The following VGLL4 variants were observed in gnomAD, a reference collection of about 807,000 sequenced individuals.
The protein encoded by VGLL4 is vestigial like family member 4.
Under a neutral mutation model 21.0 loss-of-function variants are expected in VGLL4, and 7 were observed. The ratio of observed to expected loss-of-function variants is 0.33; its 90% CI spans 0.19 to 0.63. The LOEUF (loss-of-function observed/expected upper bound fraction) is 0.63. VGLL4 is among the 20% of genes least tolerant of loss of function. The pLI is 0.78. For missense variants in VGLL4, 394 were observed against 425.7 expected (o/e 0.93, Z 0.66); for synonymous variants, 222 against 173.2 (o/e 1.28, Z -2.21).
At chr3:11,681,644 A>G (rs937842413) in intron 2 of VGLL4, among the ~76,000 whole-genome samples, 2 of 152,242 alleles carry the variant, frequency 1.3e-5, no homozygotes, top group African/African-American at 4.8e-5. Context: ...ATATAGTATT[A>G]ATATTTCATT....
Position 11,626,489 on chromosome 3 carries a change from C to T in VGLL4, c.82+16948G>A, listed in dbSNP as rs539785731. 1.4e-3 allele frequency: 626 copies of T among 450,918 alleles called. 5 individuals are homozygous for T. The highest frequency in any genetic ancestry group is 9.6e-3 in the South Asian group (611 of 63,840). 27.9% of individuals were successfully genotyped at this position (450,918 alleles called of 1,614,324 possible). A position where few individuals can be genotyped will look rare whatever the true frequency, so the allele number is the denominator to read the frequency against. On this transcript the variant is annotated intron_variant, in intron 1 of 4. Transcript: ENST00000430365. ...GGTTTTTTCTCATGACACAAAAGAT[C>T]TGGCAGAGCTGGAGATTTCATTACC...
intron 1 of VGLL4, among the ~76,000 whole-genome samples, chr3:11,634,410 CTG>C (rs75117526): frequency 2.2e-4 from 34 of 152,318 alleles, no homozygotes; most frequent in Admixed American, 4.6e-4. Context: ...CTGCTTTCCT[CTG>C]TGGCCACCGT....
In VGLL4 at chr3:11,582,189, C is replaced by G. The variant is rs982153658; in HGVS notation, c.273-17170G>C. The G allele has an allele frequency of 2.3e-5, 32 of 1,397,760 alleles. No homozygotes were observed. The Admixed American group carries it at 2.7e-4, about 12-fold the overall frequency. The allele number at this position is 1,397,760 out of a possible 1,614,324, so 86.6% of individuals were successfully genotyped here. A position where few individuals can be genotyped will look rare whatever the true frequency, so the allele number is the denominator to read the frequency against. ...CTACCTCTCCCAGCACTTGCTGTCTCGCAGTTTAAATTAATTACAGCTGAA... is the reference window on the plus strand; with the variant it reads ...CTACCTCTCCCAGCACTTGCTGTCTGGCAGTTTAAATTAATTACAGCTGAA... On this transcript the variant is annotated intron_variant, in intron 2 of 4. Transcript: ENST00000430365.
chr3:11,637,280 T>C (rs2075607011), intron 1 of VGLL4, among the ~76,000 whole-genome samples: 1 of 152,254 alleles, frequency 6.6e-6, no homozygotes, highest in Non-Finnish European at 1.5e-5. Flanking sequence ...TTTCTGTATG[T>C]ATATTTCATT....
At chr3:11,623,366 A>C (rs545783566) in intron 1 of VGLL4, among the ~76,000 whole-genome samples, 2 of 152,284 alleles carry the variant, frequency 1.3e-5, no homozygotes, top group Admixed American at 6.5e-5. Flanking sequence ...CCAATGGCAA[A>C]ATCCACACAT....
At chr3:11,679,388 G>C (rs1216513297) in intron 2 of VGLL4, among the ~76,000 whole-genome samples, 3 of 152,016 alleles carry the variant, frequency 2.0e-5, no homozygotes, top group Non-Finnish European at 4.4e-5. Context: ...AAATTTAGTA[G>C]AAAAATGTTT....
intron 2 of VGLL4, among the ~76,000 whole-genome samples, chr3:11,578,748 C>CT (rs71044228): frequency 0.19 from 19,977 of 103,366 alleles, 3,504 homozygotes; most frequent in South Asian, 0.32. Context: ...TGTATATTTT[C>CT]TTTTTTTTTT....
chr3:11,558,834 G>A lies in VGLL4; in HGVS notation c.620-7C>T, dbSNP rs748520490. On this transcript the variant is annotated splice_region_variant and splice_polypyrimidine_tract_variant and intron_variant, in intron 4 of 4. Transcript: ENST00000430365. ...GGGTCACAGGTGGTGGCAGCTGCAG[G>A]CAAGCAGGAAGGCAGGCAGTCAGAC... The A allele has an allele frequency of 6.2e-7, 1 of 1,609,214 alleles. No homozygotes were observed. Among genetic ancestry groups the A allele is most frequent in the Non-Finnish European group, 8.5e-7 (1 of 1,176,790 alleles).
chr3:11,608,381 G>T (rs2074991931), intron 1 of VGLL4, among the ~76,000 whole-genome samples: 1 of 152,062 alleles, frequency 6.6e-6, no homozygotes, highest in South Asian at 2.1e-4. Context: ...ATTAACTCCT[G>T]TGGTTTTTTG....
At chr3:11,583,687 G>A (rs1051560623) in intron 2 of VGLL4, among the ~76,000 whole-genome samples, 37 of 152,144 alleles carry the variant, frequency 2.4e-4, no homozygotes, top group African/African-American at 8.2e-4. Flanking sequence ...TCACGATGAC[G>A]ATGCTCCCAT....
At chr3:11,586,249 G>A (rs1005179430) in intron 2 of VGLL4, among the ~76,000 whole-genome samples, 2 of 152,168 alleles carry the variant, frequency 1.3e-5, no homozygotes, top group East Asian at 3.8e-4. Flanking sequence ...GTTAACAACC[G>A]ATGAATGCAG....
intron 2 of VGLL4, among the ~76,000 whole-genome samples, chr3:11,700,220 CA>C (rs776442068): frequency 1.3e-5 from 2 of 152,098 alleles, no homozygotes; most frequent in East Asian, 1.9e-4. Context: ...ACAGAATGAT[CA>C]AAAGAGGAGA....
intron 1 of VGLL4, among the ~76,000 whole-genome samples, chr3:11,640,729 C>T (rs1370841613): frequency 6.6e-6 from 1 of 152,098 alleles, no homozygotes; most frequent in Non-Finnish European, 1.5e-5. Flanking sequence ...CACATCTAAG[C>T]AATATGGAGT....
intron 2 of VGLL4, among the ~76,000 whole-genome samples, chr3:11,574,992 G>T (rs1026513415): frequency 6.6e-6 from 1 of 151,838 alleles, no homozygotes; most frequent in Non-Finnish European, 1.5e-5. Flanking sequence ...TGGGGAGGAT[G>T]AAAGAATAAA....
chr3:11,601,763 C>T (rs898514258), intron 2 of VGLL4, 70 bp downstream of exon 2: 4 of 1,536,876 alleles, frequency 2.6e-6, no homozygotes, highest in Non-Finnish European at 8.9e-7. Context: ...AGAATTAGCA[C>T]AAAGTTGCAA....
At chr3:11,607,712 C>T (rs1174934159) in intron 1 of VGLL4, among the ~76,000 whole-genome samples, 2 of 152,064 alleles carry the variant, frequency 1.3e-5, no homozygotes, top group Non-Finnish European at 2.9e-5. Flanking sequence ...AACTATTAAA[C>T]AATTAAGAAC....
chr3:11,697,206 T>C (rs1242650241), intron 2 of VGLL4, among the ~76,000 whole-genome samples: 2 of 151,846 alleles, frequency 1.3e-5, no homozygotes, highest in African/African-American at 4.8e-5. Context: ...GCTCAAGCCA[T>C]CCTCCTGCCT....
intron 2 of VGLL4, among the ~76,000 whole-genome samples, chr3:11,666,190 T>C (rs1468503912): frequency 6.7e-6 from 1 of 149,510 alleles, no homozygotes; most frequent in Non-Finnish European, 1.5e-5. Flanking sequence ...AGGCGGAGCT[T>C]GCAGTGAGCC....
chr3:11,626,690 A>G (rs760005001), intron 1 of VGLL4, among the ~76,000 whole-genome samples: 2 of 152,230 alleles, frequency 1.3e-5, no homozygotes, highest in Non-Finnish European at 2.9e-5. Flanking sequence ...AATGAAGTAA[A>G]GAACAGTTGG....
Sources: gnomAD v4.1 joint callset for allele counts (sites outside exome capture counted in the v4.1 genomes callset) on GRCh38, gnomAD v4.1.1 for gene constraint, MANE v1.5 for transcripts, NCBI Gene and HGNC (gene_info 2026-07-23, HGNC 2026-07-21) for gene names.